MAPKBP1: variants seen among roughly 807,000 people sequenced by gnomAD.
The protein encoded by MAPKBP1 is mitogen-activated protein kinase-binding protein 1.
MAPKBP1 carries 71 observed loss-of-function variants against 170.5 expected under a neutral mutation model. The observed-to-expected ratio is 0.42, with a 90% CI of 0.34 to 0.51. MAPKBP1 has a LOEUF of 0.51. Ranked by LOEUF, MAPKBP1 falls within the 20% of genes least tolerant of loss-of-function variation. The pLI, the probability that MAPKBP1 is intolerant of heterozygous loss-of-function variation, is 0.06. For missense variants in MAPKBP1, 1,598 were observed against 1,933.0 expected (o/e 0.83, Z 3.25); for synonymous variants, 719 against 757.9 (o/e 0.95, Z 0.84).
chr15:41,801,059 T>C (rs532724215), intron 3 of MAPKBP1, among the ~76,000 whole-genome samples: 2 of 152,372 alleles, frequency 1.3e-5, no homozygotes, highest in South Asian at 4.1e-4. Flanking sequence ...AGGGTTAATC[T>C]ATGTCACAGC....
rs1281735740 is a variant in MAPKBP1 at position 41,820,964 on chromosome 15, C to G, written c.2614C>G (p.Leu872Val). The change falls in exon 23 of 31, where the codon CTG (leucine) becomes GTG (valine). Residue 872 changes from leucine to valine, a missense_variant. Leu to Val is a conservative substitution (Grantham distance 32). Around this residue, in one of 6 missense-constraint regions of MAPKBP1, gnomAD observed 942 missense variants for 953.2 expected, o/e 0.99. Coordinates refer to ENST00000457542, the MANE Select transcript of MAPKBP1 (RefSeq NM_014994.3). ...SMLDLRQLET[L>V]APSLQDPSQD... ...GCTGGATCTGCGGCAGCTGGAAACACTGGCCCCAAGCCTGCAGGACCCTAG... is the reference window on the plus strand; with the variant it reads ...GCTGGATCTGCGGCAGCTGGAAACAGTGGCCCCAAGCCTGCAGGACCCTAG... 1.2e-6 allele frequency: 2 copies of G among 1,614,208 alleles called. No individual in the cohort carries two copies. The highest frequency in any genetic ancestry group is 3.3e-5 in the Admixed American group (2 of 60,028).
intron 2 of MAPKBP1, among the ~76,000 whole-genome samples, chr15:41,779,981 C>T (rs1413077114): frequency 6.6e-6 from 1 of 152,184 alleles, no homozygotes; most frequent in Non-Finnish European, 1.5e-5. Flanking sequence ...TGCAGCTGCC[C>T]TCAGCCTTCA....
chr15:41,803,504 GA>G (rs1201087780), intron 3 of MAPKBP1, among the ~76,000 whole-genome samples: 1 of 146,608 alleles, frequency 6.8e-6, no homozygotes, highest in Non-Finnish European at 1.5e-5. Context: ...CCAAGAATTT[GA>G]AACCAGCCTG....
intron 3 of MAPKBP1, 166 bp from the exon 4 acceptor site, chr15:41,810,717 C>CA (rs58612719): frequency 9.6e-3 from 4,143 of 430,092 alleles, no homozygotes; most frequent in East Asian, 0.052. Context: ...GATCCTGTCT[C>CA]AAAAAAAAAA....
intron 21 of MAPKBP1, 43 bp from the exon 22 acceptor site, chr15:41,819,552 G>GGGGT (rs1567153687): frequency 8.0e-6 from 12 of 1,508,796 alleles, no homozygotes; most frequent in African/African-American, 1.4e-5. Flanking sequence ...GGTGGCGGGG[G>GGGGT]GGGGGCAGGA....
intron 3 of MAPKBP1, among the ~76,000 whole-genome samples, chr15:41,803,770 T>C (rs1340473314): frequency 6.6e-6 from 1 of 152,150 alleles, no homozygotes; most frequent in East Asian, 1.9e-4. Flanking sequence ...CTAGTGTGTG[T>C]AATGGGGTTC....
chr15:41,824,196 T>TC, intron 29 of MAPKBP1, 135 bp downstream of exon 29: 3 of 1,250,522 alleles, frequency 2.4e-6, no homozygotes, highest in Non-Finnish European at 3.3e-6. Flanking sequence ...CTGTCGCAGG[T>TC]CCGTAAGTCA....
intron 3 of MAPKBP1, among the ~76,000 whole-genome samples, chr15:41,810,408 A>G (rs1435985990): frequency 2.6e-5 from 4 of 152,040 alleles, no homozygotes; most frequent in Non-Finnish European, 5.9e-5. Flanking sequence ...AAGGAGCAAG[A>G]ACAGGTTGCC....
chr15:41,819,325 G>A lies in MAPKBP1; in HGVS notation c.2371G>A (p.Glu791Lys). The A allele has an allele frequency of 6.2e-7, 1 of 1,614,160 alleles. No individual in the cohort carries two copies. Among genetic ancestry groups the A allele is most frequent in the Non-Finnish European group, 8.5e-7 (1 of 1,179,998 alleles). The part of the protein sequence containing the change: ...SDKEGEDEGT[E>K]EELPALPVLA... Reference sequence around the variant, plus strand: ...CAAGGAGGGAGAAGATGAGGGGACTGAAGAAGAACTTCCAGCACTGCCCGT... The same window carrying A: ...CAAGGAGGGAGAAGATGAGGGGACTAAAGAAGAACTTCCAGCACTGCCCGT... The change falls in exon 21 of 31, where the codon GAA becomes AAA. Residue 791 changes from glutamate to lysine, a missense_variant. Transcript: ENST00000457542.
chr15:41,819,032 G>T, intron 20 of MAPKBP1, 75 bp downstream of exon 20: 1 of 1,587,018 alleles, frequency 6.3e-7, no homozygotes, highest in Non-Finnish European at 8.6e-7. Context: ...CTTCCTCCAT[G>T]CTTTGGGCCT....
chr15:41,803,361 C>G (rs1308115434), intron 3 of MAPKBP1, among the ~76,000 whole-genome samples: 1 of 139,988 alleles, frequency 7.1e-6, no homozygotes, highest in African/African-American at 2.6e-5. Context: ...TTGCAGTGAG[C>G]CGAGATCGTG....
chr15:41,810,788 C>T, intron 3 of MAPKBP1, 95 bp from the exon 4 acceptor site: 3 of 919,380 alleles, frequency 3.3e-6, no homozygotes, highest in Middle Eastern at 2.4e-4. Context: ...CTACCCAGCT[C>T]CCTCTGCCGG....
At chr15:41,821,832 C>A in intron 24 of MAPKBP1, 82 bp downstream of exon 24, 1 of 1,588,998 alleles carries the variant, frequency 6.3e-7, no homozygotes, top group Non-Finnish European at 8.6e-7. Context: ...AGGGTTGGCC[C>A]CCAGGATACT....
rs552895782 is a variant in MAPKBP1, at chr15:41,822,374, C to G, written c.3181C>G (p.Gln1061Glu). ...EGSPQTPDQEQFLKQHFETLA... is the reference protein window; with the variant it reads ...EGSPQTPDQEEFLKQHFETLA... ...CAGCCCCCAGACTCCAGACCAGGAG[C>G]AGTTTCTAAAACAGCACTTTGAGAC... The change falls in exon 26 of 31, where the codon CAG becomes GAG. Residue 1061 changes from glutamine to glutamate, a missense_variant. Physicochemically the swap from Gln to Glu is conservative, Grantham distance 29 (BLOSUM62 2). Coordinates refer to ENST00000457542, the MANE Select transcript of MAPKBP1 (RefSeq NM_014994.3). 395 of 1,614,086 alleles carry G rather than the reference C, an allele frequency of 2.4e-4. 2 individuals carry two copies. In the South Asian group the frequency reaches 4.2e-3, roughly 17 times the overall value.
At chr15:41,798,198 C>T (rs377558665) in intron 2 of MAPKBP1, among the ~76,000 whole-genome samples, 2 of 137,182 alleles carry the variant, frequency 1.5e-5, no homozygotes, top group African/African-American at 5.5e-5. Flanking sequence ...TGCAGTGAGC[C>T]GAGATGGTGC....
chr15:41,823,930 G>A lies in MAPKBP1; in HGVS notation c.4082G>A (p.Ser1361Asn), dbSNP rs141214790. The change falls in exon 29 of 31, where the codon AGC becomes AAC. Residue 1361 changes from serine to asparagine, a missense_variant. By Grantham distance (46) the Ser-to-Asn change is conservative. This residue lies in a region of MAPKBP1 where 942 missense variants were observed against 953.2 expected (regional missense o/e 0.99). Transcript: ENST00000457542. ...TECQAHPGPS[S>N]PCAQQLPVSS... ...TGCCAGGCTCATCCTGGGCCCAGCAGCCCCTGTGCCCAGCAACTGCCAGTC... is the reference window on the plus strand; with the variant it reads ...TGCCAGGCTCATCCTGGGCCCAGCAACCCCTGTGCCCAGCAACTGCCAGTC... 5.9e-4 allele frequency: 949 copies of A among 1,614,080 alleles called. 2 individuals carry two copies. Among genetic ancestry groups the A allele is most frequent in the Non-Finnish European group, 6.7e-4 (791 of 1,180,014 alleles).
chr15:41,824,490 C>T lies in MAPKBP1; in HGVS notation c.4220C>T (p.Ala1407Val), dbSNP rs768905942. The change falls in exon 30 of 31, where the codon GCG becomes GTG. Residue 1407 changes from alanine (A) to valine (V), a missense_variant. Ala to Val is a moderately conservative substitution (Grantham distance 64). Around this residue, in one of 6 missense-constraint regions of MAPKBP1, gnomAD observed 942 missense variants for 953.2 expected, o/e 0.99. Transcript: ENST00000457542. The part of the protein sequence containing the change: ...GAALSQDSEP[A>V]VSLEQCEQLV... ...CTGTATCCGTCTCTTTCAGAGCCAGCGGTGAGCCTGGAGCAGTGTGAGCAG... is the reference window on the plus strand; with the variant it reads ...CTGTATCCGTCTCTTTCAGAGCCAGTGGTGAGCCTGGAGCAGTGTGAGCAG... The T allele has an allele frequency of 1.8e-5, 29 of 1,594,950 alleles. No individual in the cohort carries two copies. Among genetic ancestry groups the T allele is most frequent in the Middle Eastern group, 1.7e-4 (1 of 6,020 alleles).
chr15:41,823,372 C>T (rs973794798), intron 28 of MAPKBP1, 75 bp from the exon 29 acceptor site: 1 of 1,554,430 alleles, frequency 6.4e-7, no homozygotes. Flanking sequence ...AACAGCAGCT[C>T]TTCGGGATTG....
Position 41,812,544 on chromosome 15 carries a change from T to C in MAPKBP1, c.527T>C (p.Val176Ala). ...AACATTGTGGTGGCCTCCAACAAGG[T>C]GTCCAGTCGGGTGACAGCAGTGTCC... ...KKNIVVASNKVSSRVTAVSFS... is the reference protein window; with the variant it reads ...KKNIVVASNKASSRVTAVSFS... Residue 176 changes from valine (V) to alanine (A), a missense_variant, in exon 7 of 31, where the codon GTG (valine) becomes GCG (alanine). This residue lies in a region of MAPKBP1 where 11 missense variants were observed against 39.6 expected (regional missense o/e 0.28). Transcript: ENST00000457542. The C allele has an allele frequency of 6.2e-7, 1 of 1,614,228 alleles. No homozygotes were observed.
Sources: allele counts gnomAD v4.1 joint callset (sites outside exome capture counted in the v4.1 genomes callset), GRCh38; gene constraint gnomAD v4.1.1; regional missense constraint gnomAD v4.1.1; transcripts MANE v1.5; gene names NCBI Gene and HGNC (gene_info 2026-07-23, HGNC 2026-07-21).